The following GARIN1B variants were observed in gnomAD, a reference collection of about 807,000 sequenced individuals.
The protein encoded by GARIN1B is Golgi-associated RAB2 interactor protein 1B.
the GARIN1B span, chr7:128,715,730 C>T: frequency 2.4e-5 from 36 of 1,524,544 alleles, no homozygotes; most frequent in Middle Eastern, 1.7e-4. Context: ...TTTGATTCTT[C>T]GAAACCTGTT....
the GARIN1B span, among the ~76,000 whole-genome samples, chr7:128,725,338 T>TTTCCTTCCTTCC: frequency 8.4e-4 from 125 of 149,518 alleles, no homozygotes; most frequent in Middle Eastern, 3.5e-3. Context: ...ATCAAATCAC[T>TTTCCTTCCTTCC]TTCCTTCCTT....
chr7:128,712,676 C>A, the GARIN1B span, among the ~76,000 whole-genome samples: 2 of 152,166 alleles, frequency 1.3e-5, no homozygotes, highest in African/African-American at 4.8e-5. Flanking sequence ...AGGCTGTCAC[C>A]AAAGTTTTCA....
the GARIN1B span, among the ~76,000 whole-genome samples, chr7:128,717,299 G>T: frequency 6.6e-6 from 1 of 152,150 alleles, no homozygotes; most frequent in South Asian, 2.1e-4. Context: ...AGGGCAAGGA[G>T]GCAGTGAGTC....
chr7:128,710,667 G>T, the GARIN1B span, among the ~76,000 whole-genome samples: 2 of 149,468 alleles, frequency 1.3e-5, no homozygotes, highest in Non-Finnish European at 1.5e-5. Context: ...AGTTTTTCTT[G>T]TTTCTTTTTT....
chr7:128,719,084 G>A, the GARIN1B span: 3 of 1,612,794 alleles, frequency 1.9e-6, no homozygotes, highest in South Asian at 1.1e-5. Context: ...AGATTCGAAG[G>A]TAAGTGAGCA....
At chr7:128,728,652 C>A in the GARIN1B span, among the ~76,000 whole-genome samples, 2 of 152,148 alleles carry the variant, frequency 1.3e-5, no homozygotes, top group Admixed American at 6.5e-5. Context: ...GGAATCCAGG[C>A]CAAATATTCT....
the GARIN1B span, among the ~76,000 whole-genome samples, chr7:128,728,443 A>T: frequency 5.1e-3 from 1 of 196 alleles, no homozygotes; most frequent in African/African-American, 0.01. Context: ...CTCAGACTTA[A>T]AAAAAAAAAA....
chr7:128,715,744 A>G, the GARIN1B span: 1 of 1,444,490 alleles, frequency 6.9e-7, no homozygotes, highest in Non-Finnish European at 9.7e-7. Flanking sequence ...ACCTGTTCCC[A>G]AGATATGACT....
the GARIN1B span, chr7:128,724,942 C>G: frequency 9.8e-5 from 111 of 1,137,890 alleles, 1 homozygote; most frequent in East Asian, 3.3e-3. Context: ...CATATCGAAA[C>G]CTGGGGGCTC....
the GARIN1B span, among the ~76,000 whole-genome samples, chr7:128,716,349 G>C: frequency 1.3e-5 from 2 of 152,124 alleles, no homozygotes; most frequent in Admixed American, 6.5e-5. Flanking sequence ...AGATAATAGG[G>C]CACCTCGGGG....
chr7:128,720,077 A>G, the GARIN1B span, among the ~76,000 whole-genome samples: 1 of 152,142 alleles, frequency 6.6e-6, no homozygotes, highest in Non-Finnish European at 1.5e-5. Flanking sequence ...CAAGTTCTTC[A>G]TCTGATAGAT....
the GARIN1B span, among the ~76,000 whole-genome samples, chr7:128,716,307 G>C: frequency 3.3e-5 from 5 of 152,162 alleles, no homozygotes; most frequent in Admixed American, 3.3e-4. Flanking sequence ...TTTGGAGTTA[G>C]AGAGGACCTT....
the GARIN1B span, among the ~76,000 whole-genome samples, chr7:128,724,079 C>G: frequency 6.6e-6 from 1 of 152,156 alleles, no homozygotes; most frequent in Non-Finnish European, 1.5e-5. Flanking sequence ...GGCACAGTCT[C>G]GGCTCACTGC....
the GARIN1B span, chr7:128,713,945 C>A: frequency 6.6e-7 from 1 of 1,517,474 alleles, no homozygotes; most frequent in Non-Finnish European, 8.8e-7. Flanking sequence ...GAAATGCAAA[C>A]CAAAGGATGT....
chr7:128,729,299 CT>C, the GARIN1B span, among the ~76,000 whole-genome samples: 1 of 152,220 alleles, frequency 6.6e-6, no homozygotes, highest in Non-Finnish European at 1.5e-5. Context: ...AATCTTTCCA[CT>C]CACCACCAGC....
the GARIN1B span, among the ~76,000 whole-genome samples, chr7:128,712,067 AC>A: frequency 3.9e-5 from 6 of 152,116 alleles, no homozygotes; most frequent in African/African-American, 1.4e-4. Context: ...AACAAAAAAA[AC>A]CTTGCTGTAT....
the GARIN1B span, among the ~76,000 whole-genome samples, chr7:128,718,481 T>C: frequency 6.7e-6 from 1 of 150,076 alleles, no homozygotes; most frequent in African/African-American, 2.5e-5. Context: ...AGAAAGAAAT[T>C]GTAAAATCCT....
At chr7:128,723,786 A>C in the GARIN1B span, among the ~76,000 whole-genome samples, 1 of 151,834 alleles carries the variant, frequency 6.6e-6, no homozygotes, top group South Asian at 2.1e-4. Flanking sequence ...TGCTGGGATT[A>C]CAGGCATGAG....
chr7:128,726,789 C>G, the GARIN1B span: 1 of 1,611,354 alleles, frequency 6.2e-7, no homozygotes, highest in Non-Finnish European at 8.5e-7. Flanking sequence ...TTTTCCTTTA[C>G]TTTCAACTTT....
Sources: allele counts gnomAD v4.1 joint callset (sites outside exome capture counted in the v4.1 genomes callset), GRCh38; gene constraint gnomAD v4.1.1; transcripts MANE v1.5; gene names NCBI Gene and HGNC (gene_info 2026-07-23, HGNC 2026-07-21).